The following RARB variants were observed in gnomAD, a reference collection of about 807,000 sequenced individuals.
RARB encodes the protein HBV-activated protein.
A neutral mutation model predicts 51.9 loss-of-function variants in RARB; 17 were observed. The observed-to-expected ratio is 0.33, with a 90% confidence interval of 0.22 to 0.49. The LOEUF (loss-of-function observed/expected upper bound fraction) is 0.49, where lower values mean the gene tolerates loss of function less well. Among genes scored for constraint, RARB ranks in the 20% least tolerant of loss-of-function variants. RARB has a pLI of 0.99. For synonymous variants in RARB, 215 were observed against 195.4 expected, an observed-to-expected ratio of 1.10 and a Z score of -0.84; for missense variants, 369 against 550.8, an observed-to-expected ratio of 0.67 and a Z score of 3.30.
intron 2 of RARB, among the ~76,000 whole-genome samples, chr3:25,487,322 T>C (rs1254862037): frequency 6.6e-6 from 1 of 152,238 alleles, no homozygotes; most frequent in Non-Finnish European, 1.5e-5. Context: ...CAGCGTGCGA[T>C]GTGGTTTCAC....
chr3:25,347,065 G>C (rs1705417047), intron 5 of RARB, among the ~76,000 whole-genome samples: 1 of 152,212 alleles, frequency 6.6e-6, no homozygotes, highest in African/African-American at 2.4e-5. Flanking sequence ...GAGAATGAAG[G>C]AGTAGGTTGA....
Position 25,016,254 on chromosome 3 carries a change from A to G in RARB, c.-379-43871A>G, listed in dbSNP as rs140193237. 3.4e-3 allele frequency among the ~76,000 whole-genome samples: 525 copies of G among 152,340 alleles called. 2 individuals carry two copies. Among genetic ancestry groups the G allele is most frequent in the African/African-American group, 0.011 (448 of 41,576 alleles). On this transcript the variant is annotated intron_variant, in intron 2 of 11. Coordinates refer to the RARB transcript ENST00000383772. Reference sequence around the variant, plus strand: ...CATGATTGTGGGATTAAGATACTATACTAACTCATGTCCAAGGAAAGCTAC... The same window carrying G: ...CATGATTGTGGGATTAAGATACTATGCTAACTCATGTCCAAGGAAAGCTAC...
intron 2 of RARB, among the ~76,000 whole-genome samples, chr3:24,951,339 C>T (rs1695886937): frequency 6.6e-6 from 1 of 152,088 alleles, no homozygotes; most frequent in African/African-American, 2.4e-5. Context: ...TCAGTGCATC[C>T]AGAGCATGCA....
chr3:25,032,820 A>G (rs933632374), intron 2 of RARB, among the ~76,000 whole-genome samples: 1 of 152,234 alleles, frequency 6.6e-6, no homozygotes, highest in African/African-American at 2.4e-5. Flanking sequence ...AAATGTATTT[A>G]TAAAAGTTCA....
At chr3:25,089,049 T>A (rs62230269) in intron 3 of RARB, among the ~76,000 whole-genome samples, 21,635 of 151,942 alleles carry the variant, frequency 0.14, 2,449 homozygotes, top group African/African-American at 0.31. Flanking sequence ...ACTTTCTAAG[T>A]TGACATTTCT....
intron 3 of RARB, among the ~76,000 whole-genome samples, chr3:25,081,484 C>CTT (rs1257392559): frequency 6.8e-6 from 1 of 147,742 alleles, no homozygotes; most frequent in Non-Finnish European, 1.5e-5. Flanking sequence ...TTTTTGTTTA[C>CTT]TTGATGTATC....
chr3:25,171,829 A>C (rs768201934), intron 4 of RARB, among the ~76,000 whole-genome samples: 1 of 152,094 alleles, frequency 6.6e-6, no homozygotes, highest in Non-Finnish European at 1.5e-5. Context: ...AGCAAATACT[A>C]AATTGTATTG....
At chr3:24,852,222 C>T (rs574162342) in intron 1 of RARB, among the ~76,000 whole-genome samples, 9 of 152,160 alleles carry the variant, frequency 5.9e-5, no homozygotes, top group African/African-American at 9.6e-5. Flanking sequence ...TTTATATTTG[C>T]GGGACGAATC....
intron 2 of RARB, among the ~76,000 whole-genome samples, chr3:25,474,706 C>G (rs1695868435): frequency 6.6e-6 from 1 of 152,130 alleles, no homozygotes; most frequent in African/African-American, 2.4e-5. Context: ...AGTTTTCATT[C>G]CAATACCAAA....
chr3:25,323,987 AAAC>A (rs993548296), intron 5 of RARB, among the ~76,000 whole-genome samples: 7 of 152,340 alleles, frequency 4.6e-5, no homozygotes, highest in African/African-American at 1.7e-4. Flanking sequence ...AAGCAAAAGT[AAAC>A]AAACAAAGGT....
chr3:25,518,394 A>T (rs901628366), intron 3 of RARB, among the ~76,000 whole-genome samples: 1 of 152,136 alleles, frequency 6.6e-6, no homozygotes, highest in South Asian at 2.1e-4. Flanking sequence ...GATGTTTGAG[A>T]TGAATGTTTC....
intron 3 of RARB, among the ~76,000 whole-genome samples, chr3:25,105,630 T>G (rs1699485159): frequency 1.3e-5 from 2 of 152,162 alleles, no homozygotes; most frequent in Non-Finnish European, 2.9e-5. Flanking sequence ...TGCACTCTCT[T>G]GACATTTCCT....
chr3:25,445,559 C>A (rs564437896), intron 1 of RARB, among the ~76,000 whole-genome samples: 1 of 151,872 alleles, frequency 6.6e-6, no homozygotes, highest in Non-Finnish European at 1.5e-5. Context: ...CCCAGCTACT[C>A]GAGAGGCTGA....
chr3:25,468,372 C>CTT (rs34870919), intron 2 of RARB, among the ~76,000 whole-genome samples: 1,673 of 81,634 alleles, frequency 0.02, 81 homozygotes, highest in African/African-American at 0.077. Flanking sequence ...GGCATTTGGG[C>CTT]TTTTTTTTTT....
intron 2 of RARB, among the ~76,000 whole-genome samples, chr3:24,903,283 C>T (rs191846031): frequency 4.1e-4 from 63 of 151,956 alleles, no homozygotes; most frequent in African/African-American, 1.5e-3. Context: ...AAAAATATGA[C>T]ATTAAGACAA....
At chr3:25,099,200 T>C (rs1699354084) in intron 3 of RARB, among the ~76,000 whole-genome samples, 1 of 152,112 alleles carries the variant, frequency 6.6e-6, no homozygotes, top group South Asian at 2.1e-4. Context: ...AATATAGCAG[T>C]TCGTTTGTCT....
chr3:25,204,138 T>C (rs1446079802), intron 5 of RARB, among the ~76,000 whole-genome samples: 1 of 152,222 alleles, frequency 6.6e-6, no homozygotes, highest in South Asian at 2.1e-4. Context: ...CTTTTTACTC[T>C]TTTTTCTCTA....
chr3:25,293,524 C>G (rs1703838592), intron 5 of RARB, among the ~76,000 whole-genome samples: 1 of 141,016 alleles, frequency 7.1e-6, no homozygotes, highest in Non-Finnish European at 1.5e-5. Flanking sequence ...ACAGCATTTT[C>G]CAATTTCAGA....
At chr3:25,136,549 A>G (rs1171003061) in intron 4 of RARB, among the ~76,000 whole-genome samples, 1 of 152,056 alleles carries the variant, frequency 6.6e-6, no homozygotes, top group Non-Finnish European at 1.5e-5. Context: ...GACTAGATGA[A>G]TAACTTCATG....
Sources: gnomAD v4.1 joint callset for allele counts (sites outside exome capture counted in the v4.1 genomes callset) on GRCh38, gnomAD v4.1.1 for gene constraint, MANE v1.5 for transcripts, NCBI Gene and HGNC (gene_info 2026-07-23, HGNC 2026-07-21) for gene names.